Variants in PARP8 observed in about 807,000 individuals in gnomAD.
PARP8 encodes the protein protein mono-ADP-ribosyltransferase PARP8.
PARP8 carries 51 observed loss-of-function variants against 124.1 expected under a neutral mutation model. The observed-to-expected ratio is 0.41, with a 90% CI of 0.33 to 0.52. PARP8 has a LOEUF of 0.52. PARP8 is among the 20% of genes least tolerant of loss of function. PARP8 has a pLI of 0.21. For synonymous variants in PARP8, 391 were observed against 361.5 expected (o/e 1.08, Z -0.93); for missense variants, 860 against 1,018.9 (o/e 0.84, Z 2.12).
At chr5:50,696,829 C>T (rs1261656450) in intron 2 of PARP8, among the ~76,000 whole-genome samples, 1 of 152,074 alleles carries the variant, frequency 6.6e-6, no homozygotes, top group African/African-American at 2.4e-5. Context: ...GGAATTTCTT[C>T]TTTTGCAAAT....
chr5:50,814,298 G>A lies in PARP8; in HGVS notation c.1576-1134G>A, dbSNP rs10054381. On this transcript the variant is annotated intron_variant, in intron 14 of 25. Coordinates refer to ENST00000281631, the MANE Select transcript of PARP8 (RefSeq NM_024615.4). Reference sequence around the variant, plus strand: ...AAACATATAGATACACAAAAAAATTGGAGAAGATTAAAAGTAAACACTCAA... The same window carrying A: ...AAACATATAGATACACAAAAAAATTAGAGAAGATTAAAAGTAAACACTCAA... Among the ~76,000 whole-genome samples the A allele has an allele frequency of 7.0e-3, 1,057 of 152,076 alleles. 8 individuals are homozygous for A. The highest frequency in any genetic ancestry group is 0.039 in the East Asian group (203 of 5,168).
At chr5:50,770,454 A>G (rs926394836) in intron 7 of PARP8, among the ~76,000 whole-genome samples, 3 of 152,020 alleles carry the variant, frequency 2.0e-5, no homozygotes, top group African/African-American at 7.3e-5. Flanking sequence ...AATTATGACC[A>G]TTGGGCTGTG....
chr5:50,827,237 A>C (rs192973820), intron 19 of PARP8, among the ~76,000 whole-genome samples: 2 of 152,154 alleles, frequency 1.3e-5, no homozygotes, highest in African/African-American at 4.8e-5. Flanking sequence ...TAAAAAGCTA[A>C]TAGACTCTGG....
At chr5:50,671,420 C>T (rs1257034081) in intron 2 of PARP8, among the ~76,000 whole-genome samples, 1 of 151,840 alleles carries the variant, frequency 6.6e-6, no homozygotes, top group African/African-American at 2.4e-5. Flanking sequence ...CTCTGGAATT[C>T]CGAGTGTGAA....
chr5:50,750,093 T>G (rs1759061806), intron 2 of PARP8, 58 bp from the exon 3 acceptor site: 2 of 1,347,336 alleles, frequency 1.5e-6, no homozygotes, highest in South Asian at 1.2e-5. Flanking sequence ...CTTTTTTTTA[T>G]AAAAGCCTGT....
chr5:50,800,947 G>A (rs1266790168), intron 14 of PARP8, among the ~76,000 whole-genome samples: 1 of 151,510 alleles, frequency 6.6e-6, no homozygotes, highest in Admixed American at 6.6e-5. Context: ...TTGTAGAAAT[G>A]GGGTGTCACC....
At chr5:50,824,758 G>A (rs1746155331) in intron 17 of PARP8, 150 bp from the exon 18 acceptor site, 1 of 631,340 alleles carries the variant, frequency 1.6e-6, no homozygotes, top group Non-Finnish European at 2.8e-6. Flanking sequence ...TGGGAGAAAA[G>A]ACTAGGGCAA....
chr5:50,803,836 G>T (rs2149669560), intron 14 of PARP8, among the ~76,000 whole-genome samples: 1 of 152,114 alleles, frequency 6.6e-6, no homozygotes, highest in East Asian at 1.9e-4. Flanking sequence ...CCTGTGAATA[G>T]GTCTTACTTT....
rs145711875 is a variant in PARP8 at position 50,795,906 on chromosome 5, T to C, written c.1428+489T>C. ...GTGGAGAGAGGCAACATTTACCACT[T>C]TATCCCAGAGCCTCACTTAAAGTTG... On this transcript the variant is annotated intron_variant, in intron 12 of 25. Coordinates refer to ENST00000281631, the MANE Select transcript of PARP8 (RefSeq NM_024615.4). Among the ~76,000 whole-genome samples the C allele has an allele frequency of 2.8e-3, 431 of 152,322 alleles. 1 individual carries two copies. Among genetic ancestry groups the C allele is most frequent in the African/African-American group, 1.0e-2 (415 of 41,572 alleles).
intron 7 of PARP8, among the ~76,000 whole-genome samples, chr5:50,773,779 T>C (rs1487122280): frequency 6.6e-6 from 1 of 152,080 alleles, no homozygotes; most frequent in East Asian, 1.9e-4. Flanking sequence ...CTTCCATCCA[T>C]AAACAAGCAA....
At chr5:50,776,232 A>G (rs1216429247) in intron 7 of PARP8, among the ~76,000 whole-genome samples, 5 of 152,224 alleles carry the variant, frequency 3.3e-5, no homozygotes, top group Non-Finnish European at 7.3e-5. Context: ...TCTAGGATGA[A>G]TCCTACTTGC....
Position 50,823,861 on chromosome 5 carries a change from G to C in PARP8, c.1861-1047G>C, listed in dbSNP as rs376035110. Among the ~76,000 whole-genome samples, 9 of 152,346 alleles carry C rather than the reference G, an allele frequency of 5.9e-5. No individual in the cohort carries two copies. The East Asian group carries it at 1.7e-3, about 29-fold the overall frequency. ...TTGTATAACTGGCTCATCAATGAAT[G>C]TGACCTGTGACCTTGGGCAAGTTGC... On this transcript the variant is annotated intron_variant, in intron 17 of 25. Coordinates refer to ENST00000281631, the MANE Select transcript of PARP8 (RefSeq NM_024615.4).
At chr5:50,667,375 C>T (rs547212282) in intron 1 of PARP8, among the ~76,000 whole-genome samples, 189 bp downstream of exon 1, 294 of 152,354 alleles carry the variant, frequency 1.9e-3, no homozygotes, top group African/African-American at 6.8e-3. Context: ...CTTCCCCTCC[C>T]CCACCGCCAA....
chr5:50,752,572 A>G lies in PARP8; in HGVS notation c.184+2384A>G, dbSNP rs940072081. On this transcript the variant is annotated intron_variant, in intron 3 of 25. Transcript: ENST00000281631. ...TGGTTATTTCTCCTGGCCCATTTTT[A>G]TTGTTCATATTTGTTCTTGTTCTTC... Among the ~76,000 whole-genome samples the G allele has an allele frequency of 9.2e-5, 14 of 151,924 alleles. 1 individual carries two copies. The highest frequency in any genetic ancestry group is 3.4e-4 in the African/African-American group (14 of 41,408).
At chr5:50,710,396 G>A (rs555308302) in intron 2 of PARP8, among the ~76,000 whole-genome samples, 132 of 152,114 alleles carry the variant, frequency 8.7e-4, no homozygotes, top group African/African-American at 3.0e-3. Flanking sequence ...GGCAGTGGTT[G>A]CTTTTGCCTT....
intron 2 of PARP8, among the ~76,000 whole-genome samples, chr5:50,731,244 T>C (rs984379458): frequency 1.3e-5 from 2 of 152,240 alleles, no homozygotes; most frequent in African/African-American, 4.8e-5. Flanking sequence ...ATGTACATTT[T>C]TTTCCAAATT....
At chr5:50,736,502 T>G (rs1465649489) in intron 2 of PARP8, among the ~76,000 whole-genome samples, 1 of 152,150 alleles carries the variant, frequency 6.6e-6, no homozygotes, top group East Asian at 1.9e-4. Context: ...GCACCTAAAT[T>G]AATCTGAAAT....
intron 5 of PARP8, among the ~76,000 whole-genome samples, chr5:50,760,925 A>G (rs1457164025): frequency 6.6e-6 from 1 of 152,102 alleles, no homozygotes; most frequent in Non-Finnish European, 1.5e-5. Context: ...ATTTGATCCA[A>G]TCCTCCTCTT....
At chr5:50,736,905 C>A (rs1470511734) in intron 2 of PARP8, among the ~76,000 whole-genome samples, 3 of 152,108 alleles carry the variant, frequency 2.0e-5, no homozygotes, top group African/African-American at 7.2e-5. Flanking sequence ...AATCTAGAAC[C>A]ATGATCTGTT....
Sources: allele counts gnomAD v4.1 joint callset (sites outside exome capture counted in the v4.1 genomes callset), GRCh38; gene constraint gnomAD v4.1.1; transcripts MANE v1.5; gene names NCBI Gene and HGNC (gene_info 2026-07-23, HGNC 2026-07-21).